PCDHA9: variants seen among roughly 807,000 people sequenced by gnomAD.
The protein encoded by PCDHA9 is protocadherin alpha-9.
In PCDHA9, 62 loss-of-function variants were observed where a neutral mutation model predicts 62.0. That is an observed-to-expected ratio of 1.00 (90% confidence interval 0.81 to 1.23). PCDHA9 has a LOEUF of 1.23. PCDHA9 is among the 50% of genes most tolerant of loss of function. PCDHA9 has a pLI of 0.00. For synonymous variants in PCDHA9, 557 were observed against 567.6 expected, an observed-to-expected ratio of 0.98 and a Z score of 0.27; for missense variants, 1,205 against 1,249.8, an observed-to-expected ratio of 0.96 and a Z score of 0.54.
At chr5:140,958,597 G>A (rs551005076) in intron 1 of PCDHA9, among the ~76,000 whole-genome samples, 60 of 152,170 alleles carry the variant, frequency 3.9e-4, no homozygotes, top group African/African-American at 1.4e-3. Context: ...ATGATAATTG[G>A]ATCAAAGGAA....
At chr5:140,888,011 A>G (rs1554183291) in intron 1 of PCDHA9, among the ~76,000 whole-genome samples, 1 of 152,138 alleles carries the variant, frequency 6.6e-6, no homozygotes, top group African/African-American at 2.4e-5. Flanking sequence ...TCATCTTTTT[A>G]TCTATATGTT....
At chr5:140,928,630 G>A in intron 1 of PCDHA9, 1 of 1,614,210 alleles carries the variant, frequency 6.2e-7, no homozygotes, top group East Asian at 2.2e-5. Context: ...TGGACACTTG[G>A]TCACAAAAGT....
At chr5:140,904,826 TTA>T (rs1554191735) in intron 1 of PCDHA9, among the ~76,000 whole-genome samples, 2 of 152,206 alleles carry the variant, frequency 1.3e-5, no homozygotes, top group South Asian at 4.1e-4. Context: ...GAGCATTTTT[TTA>T]TATGTTTCAT....
At chr5:140,919,014 A>G (rs1008657889) in intron 1 of PCDHA9, among the ~76,000 whole-genome samples, 1 of 152,184 alleles carries the variant, frequency 6.6e-6, no homozygotes, top group Non-Finnish European at 1.5e-5. Context: ...TTCATTTCCT[A>G]GTGATCTTCT....
intron 1 of PCDHA9, chr5:140,877,982 T>C (rs1320294784): frequency 1.6e-6 from 2 of 1,221,162 alleles, no homozygotes; most frequent in African/African-American, 3.1e-5. Context: ...CTTACTCATT[T>C]TGAACTTTTA....
At chr5:140,883,406 G>T (rs782181791) in intron 1 of PCDHA9, 3 of 1,614,156 alleles carry the variant, frequency 1.9e-6, no homozygotes, top group Non-Finnish European at 1.7e-6. Context: ...TCGTGACTCT[G>T]GCTCAAATGG....
intron 1 of PCDHA9, chr5:140,881,378 G>A (rs2058692175): frequency 1.0e-6 from 1 of 984,802 alleles, no homozygotes; most frequent in Non-Finnish European, 1.2e-6. Context: ...ATTGCAGCCG[G>A]CGGCGGTAAG....
intron 3 of PCDHA9, among the ~76,000 whole-genome samples, chr5:141,007,748 T>C (rs188910603): frequency 1.3e-3 from 195 of 152,298 alleles, no homozygotes; most frequent in African/African-American, 4.4e-3. Context: ...GAAGATAACT[T>C]TGGACTCTTA....
At chr5:140,989,747 G>A (rs1554251066) in intron 3 of PCDHA9, among the ~76,000 whole-genome samples, 1 of 152,166 alleles carries the variant, frequency 6.6e-6, no homozygotes, top group African/African-American at 2.4e-5. Flanking sequence ...TGCCTAATCT[G>A]GAGAAACATA....
At chr5:140,852,749 G>A in intron 1 of PCDHA9, 3 of 984,204 alleles carry the variant, frequency 3.0e-6, no homozygotes, top group Non-Finnish European at 2.4e-6. Flanking sequence ...ATTTAAACTT[G>A]GACCCAGGTA....
chr5:140,853,960 C>G, intron 1 of PCDHA9: 2 of 730,184 alleles, frequency 2.7e-6, no homozygotes, highest in Non-Finnish European at 3.4e-6. Flanking sequence ...CTTCCTTGAG[C>G]CCAGCAGTTT....
intron 1 of PCDHA9, chr5:140,882,163 GC>G: frequency 6.6e-7 from 1 of 1,509,690 alleles, no homozygotes; most frequent in Non-Finnish European, 8.9e-7. Flanking sequence ...AATACCTCTT[GC>G]GAATCCTTCC....
intron 1 of PCDHA9, among the ~76,000 whole-genome samples, chr5:140,879,016 G>A (rs2057813975): frequency 6.6e-6 from 1 of 152,188 alleles, no homozygotes; most frequent in African/African-American, 2.4e-5. Context: ...ATCAGATAAT[G>A]TTTTATTGAA....
intron 1 of PCDHA9, among the ~76,000 whole-genome samples, chr5:140,922,711 A>G (rs2080951866): frequency 6.6e-6 from 1 of 152,270 alleles, no homozygotes; most frequent in Non-Finnish European, 1.5e-5. Flanking sequence ...GTCAAGAACA[A>G]AAAGAAACAC....
At chr5:140,966,539 T>C in intron 1 of PCDHA9, 1 of 462,182 alleles carries the variant, frequency 2.2e-6, no homozygotes, top group South Asian at 5.8e-5. Flanking sequence ...GTTGAGCGAC[T>C]CGGAGGCGAG....
intron 1 of PCDHA9, chr5:140,867,880 G>T (rs1562611394): frequency 6.6e-6 from 1 of 151,984 alleles, no homozygotes; most frequent in Non-Finnish European, 1.5e-5. Flanking sequence ...TATGTTTTAA[G>T]CACAATATCA....
intron 1 of PCDHA9, chr5:140,877,979 A>G (rs2057420487): frequency 4.9e-6 from 6 of 1,227,544 alleles, no homozygotes; most frequent in Non-Finnish European, 5.4e-6. Flanking sequence ...ATTCTTACTC[A>G]TTTTGAACTT....
Position 140,885,608 on chromosome 5 carries a change from A to T in PCDHA9, c.2394+34719A>T, listed in dbSNP as rs1163790004. Among the ~76,000 whole-genome samples the T allele has an allele frequency of 2.0e-5, 3 of 152,192 alleles. No homozygotes were observed. In the East Asian group the frequency reaches 5.8e-4, roughly 29 times the overall value. On this transcript the variant is annotated intron_variant, in intron 1 of 3. Coordinates refer to ENST00000532602, the MANE Select transcript of PCDHA9 (RefSeq NM_031857.2). ...TGCATCAAAGATATTAATAATTTTA[A>T]TTATAAAATATGTCACTGGATTGCC...
At chr5:140,919,176 C>A (rs2079027921) in intron 1 of PCDHA9, among the ~76,000 whole-genome samples, 2 of 152,184 alleles carry the variant, frequency 1.3e-5, no homozygotes, top group Non-Finnish European at 1.5e-5. Flanking sequence ...GTTGCTATAT[C>A]TTCCTGATTG....
Sources: allele counts gnomAD v4.1 joint callset (sites outside exome capture counted in the v4.1 genomes callset), GRCh38; gene constraint gnomAD v4.1.1; transcripts MANE v1.5; gene names NCBI Gene and HGNC (gene_info 2026-07-23, HGNC 2026-07-21).